Variants in VAPB observed in about 807,000 individuals in gnomAD.
VAPB encodes vesicle-associated membrane protein-associated protein B/C.
In VAPB, 7 loss-of-function variants were observed where a neutral mutation model predicts 25.6. The ratio of observed to expected loss-of-function variants is 0.27; its 90% CI spans 0.16 to 0.51. The LOEUF (loss-of-function observed/expected upper bound fraction) is 0.51, where lower values mean the gene tolerates loss of function less well. VAPB is among the 20% of genes least tolerant of loss of function. The pLI is 0.97. For synonymous variants in VAPB, 112 were observed against 109.2 expected, an observed-to-expected ratio of 1.03 and a Z score of -0.16; for missense variants, 266 against 301.3, an observed-to-expected ratio of 0.88 and a Z score of 0.87.
chr20:58,450,880 T>G lies in VAPB; in HGVS notation c.*6645T>G, dbSNP rs1427379326. 2.2e-6 allele frequency: 1 copy of G among 454,000 alleles called. No individual in the cohort carries two copies. Among genetic ancestry groups the G allele is most frequent in the Non-Finnish European group, 4.4e-6 (1 of 226,806 alleles). The allele number at this position is 454,000 out of a possible 1,614,324, so 28.1% of individuals were successfully genotyped here. ...GACTCTTTACTGTTGCACATTTTGGTTTTCTGATATGTAATAAATTCATGG... is the reference window on the plus strand; with the variant it reads ...GACTCTTTACTGTTGCACATTTTGGGTTTCTGATATGTAATAAATTCATGG... On this transcript the variant is annotated 3_prime_UTR_variant, in exon 6 of 6. Coordinates refer to ENST00000475243, the MANE Select transcript of VAPB (RefSeq NM_004738.5).
At chr20:58,435,719 A>T (rs2123091098) in intron 3 of VAPB, among the ~76,000 whole-genome samples, 1 of 152,306 alleles carries the variant, frequency 6.6e-6, no homozygotes, top group Middle Eastern at 3.4e-3. Flanking sequence ...AGGAGGCCAG[A>T]TATTTTTGAC....
chr20:58,400,261 A>G (rs188107461), intron 1 of VAPB, among the ~76,000 whole-genome samples: 1 of 152,258 alleles, frequency 6.6e-6, no homozygotes, highest in African/African-American at 2.4e-5. Flanking sequence ...CAGTACCTCT[A>G]GGTGGTCCTT....
intron 1 of VAPB, among the ~76,000 whole-genome samples, chr20:58,404,227 G>C (rs1049670969): frequency 5.3e-5 from 8 of 152,042 alleles, no homozygotes; most frequent in African/African-American, 1.9e-4. Flanking sequence ...TAGGTTCGTG[G>C]CCCAAATTCT....
chr20:58,415,150 GTC>G (rs1306218500), intron 1 of VAPB, among the ~76,000 whole-genome samples: 2 of 152,242 alleles, frequency 1.3e-5, no homozygotes, highest in Admixed American at 1.3e-4. Flanking sequence ...CCCTCTTACT[GTC>G]TTACTCTTAC....
intron 2 of VAPB, among the ~76,000 whole-genome samples, chr20:58,423,493 G>A (rs1988720498): frequency 7.1e-6 from 1 of 141,448 alleles, no homozygotes; most frequent in Admixed American, 7.4e-5. Context: ...AGCTCTTCTT[G>A]GATGAAAACA....
chr20:58,443,958 G>A lies in VAPB; in HGVS notation c.574-119G>A, dbSNP rs752125390. The A allele has an allele frequency of 5.4e-6, 8 of 1,469,460 alleles. No homozygotes were observed. The East Asian group carries it at 9.1e-5, about 17-fold the overall frequency. The allele number at this position is 1,469,460 out of a possible 1,614,324, so 91.0% of individuals were successfully genotyped here. ...GCAGTTTCTCCGTTTGCAAAATGCG[G>A]TTGGACCATATCATGTCATCCAACA... is the stretch of plus-strand genomic sequence containing the variant. On this transcript the variant is annotated intron_variant, in intron 5 of 5. Coordinates refer to ENST00000475243, the MANE Select transcript of VAPB (RefSeq NM_004738.5).
intron 4 of VAPB, chr20:58,440,240 A>G (rs1045702091): frequency 6.6e-6 from 1 of 152,536 alleles, no homozygotes; most frequent in African/African-American, 2.4e-5. Flanking sequence ...CTGGAAAATG[A>G]TGGGTAGAGC....
rs1184194416 is a variant in VAPB, at chr20:58,450,830, A to T, written c.*6595A>T. The stretch of plus-strand genomic sequence containing the variant: ...GTATTTGCTGTTTTGACATGGAAGT[A>T]ATTTAAAAAGTTGGTGCAGGAAAGG... On this transcript the variant is annotated 3_prime_UTR_variant, in exon 6 of 6. Coordinates refer to ENST00000475243, the MANE Select transcript of VAPB (RefSeq NM_004738.5). The T allele has an allele frequency of 1.3e-5, 6 of 454,132 alleles. No homozygotes were observed. Among genetic ancestry groups the T allele is most frequent in the South Asian group, 9.3e-5 (6 of 64,472 alleles). 28.1% of individuals were successfully genotyped at this position (454,132 alleles called of 1,614,324 possible).
At chr20:58,436,967 A>G (rs984368749) in intron 3 of VAPB, among the ~76,000 whole-genome samples, 3 of 134,318 alleles carry the variant, frequency 2.2e-5, no homozygotes, top group Non-Finnish European at 1.6e-5. Flanking sequence ...GGACACCCAA[A>G]CCTTTTTGTT....
intron 1 of VAPB, among the ~76,000 whole-genome samples, chr20:58,398,012 C>T (rs1030804482): frequency 2.0e-5 from 3 of 152,168 alleles, no homozygotes; most frequent in Non-Finnish European, 2.9e-5. Context: ...CACCTTACAG[C>T]GGAGTTACAT....
rs545089397 is a variant in VAPB, at chr20:58,447,427, T to C, written c.*3192T>C. The C allele has an allele frequency of 2.1e-4, 97 of 454,078 alleles. 1 individual carries two copies. The highest frequency in any genetic ancestry group is 1.4e-3 in the Middle Eastern group (2 of 1,444). The allele number at this position is 454,078 out of a possible 1,614,324, so 28.1% of individuals were successfully genotyped here. ...AATTGATTTTTACCAGTGGCCAGTT[T>C]ATGGCTAGAGAGACGACTTATACCT... On this transcript the variant is annotated 3_prime_UTR_variant, in exon 6 of 6. Transcript: ENST00000475243.
Position 58,427,064 on chromosome 20 carries a change from C to T in VAPB, c.212-7538C>T, listed in dbSNP as rs147017925. Among the ~76,000 whole-genome samples the T allele has an allele frequency of 4.9e-3, 734 of 148,728 alleles. 6 individuals are homozygous for T. The highest frequency in any genetic ancestry group is 0.017 in the African/African-American group (687 of 40,058). On this transcript the variant is annotated intron_variant, in intron 2 of 5. Coordinates refer to ENST00000475243, the MANE Select transcript of VAPB (RefSeq NM_004738.5). ...TGATCTGTTACCATTATGATGCAGA[C>T]GAAAGTGATCCGTGATCTGTTACCG...
Position 58,445,731 on chromosome 20 carries a change from T to C in VAPB, c.*1496T>C. 1 of 453,626 alleles carries C rather than the reference T, an allele frequency of 2.2e-6. No individual in the cohort carries two copies. Among genetic ancestry groups the C allele is most frequent in the Non-Finnish European group, 4.4e-6 (1 of 226,678 alleles). The allele number at this position is 453,626 out of a possible 1,614,324, so 28.1% of individuals were successfully genotyped here. ...GTGTGTGTGTGTGTGTATTTTTTTTTTGGTTGTCTTCAGCTGACAGTATGA... is the reference window on the plus strand; with the variant it reads ...GTGTGTGTGTGTGTGTATTTTTTTTCTGGTTGTCTTCAGCTGACAGTATGA... On this transcript the variant is annotated 3_prime_UTR_variant, in exon 6 of 6. Transcript: ENST00000475243.
At chr20:58,432,761 C>G (rs995221174) in intron 2 of VAPB, among the ~76,000 whole-genome samples, 5 of 152,188 alleles carry the variant, frequency 3.3e-5, no homozygotes, top group African/African-American at 1.2e-4. Flanking sequence ...AAGCATTGAC[C>G]TGCCAGTCTG....
At chr20:58,393,712 G>GTTTGTTTTGT (rs71938478) in intron 1 of VAPB, among the ~76,000 whole-genome samples, 81 of 150,526 alleles carry the variant, frequency 5.4e-4, no homozygotes, top group Non-Finnish European at 7.1e-4. Flanking sequence ...CTAGGTTAAG[G>GTTTGTTTTGT]TTTGTTTTGT....
chr20:58,424,532 T>C (rs957444067), intron 2 of VAPB, among the ~76,000 whole-genome samples: 1 of 152,188 alleles, frequency 6.6e-6, no homozygotes, highest in Non-Finnish European at 1.5e-5. Context: ...AGATGGTATA[T>C]AATGGGGGTT....
intron 2 of VAPB, among the ~76,000 whole-genome samples, chr20:58,418,579 T>A (rs1988603326): frequency 6.6e-6 from 1 of 150,382 alleles, no homozygotes; most frequent in Non-Finnish European, 1.5e-5. Context: ...GCCTCCTTGT[T>A]TCAAAGCTTA....
At position 58,423,400 on chromosome 20, in the gene VAPB, G is replaced by GA. The variant is rs535147273; in HGVS notation, c.211+5040dup. Reference sequence around the variant, plus strand: ...GCACTCCAGCCTGGGCAACAAGAGAGAAACTCCATCTCACAAAAAAAAAAA... The same window carrying GA: ...GCACTCCAGCCTGGGCAACAAGAGAGAAAACTCCATCTCACAAAAAAAAAAA... On this transcript the variant is annotated intron_variant, in intron 2 of 5. Transcript: ENST00000475243. Among the ~76,000 whole-genome samples, 119 of 33,872 alleles carry GA rather than the reference G, an allele frequency of 3.5e-3. 4 individuals are homozygous for GA. The highest frequency in any genetic ancestry group is 8.7e-4 in the Non-Finnish European group (16 of 18,452). 22.2% of individuals were successfully genotyped at this position (33,872 alleles called of 152,430 possible).
At chr20:58,413,845 C>T (rs539152477) in intron 1 of VAPB, among the ~76,000 whole-genome samples, 11,699 of 131,150 alleles carry the variant, frequency 0.089, 855 homozygotes, top group Middle Eastern at 0.15. Flanking sequence ...ACCTCCCTCC[C>T]AGATAGGGCG....
Sources: gnomAD v4.1 joint callset for allele counts (sites outside exome capture counted in the v4.1 genomes callset) on GRCh38, gnomAD v4.1.1 for gene constraint, MANE v1.5 for transcripts, NCBI Gene and HGNC (gene_info 2026-07-23, HGNC 2026-07-21) for gene names.